NTN4: variants seen among roughly 807,000 people sequenced by gnomAD.
The protein encoded by NTN4 is netrin 4.
A neutral mutation model predicts 73.6 loss-of-function variants in NTN4; 32 were observed. That is an observed-to-expected ratio of 0.44 (90% CI 0.33 to 0.58). NTN4 has a LOEUF of 0.58. Among genes scored for constraint, NTN4 ranks in the 20% least tolerant of loss-of-function variants. The pLI is 0.04. For missense variants in NTN4, 654 were observed against 798.3 expected (o/e 0.82, Z 2.18); for synonymous variants, 258 against 287.5 (o/e 0.90, Z 1.04).
At chr12:95,672,826 A>C in intron 7 of NTN4, 1 of 1,360,394 alleles carries the variant, frequency 7.4e-7, no homozygotes, top group Non-Finnish European at 1.1e-6. Flanking sequence ...AGTTCCCCAG[A>C]TCAAGGAAGG....
At chr12:95,695,981 TCCTTCC>T (rs763977461) in intron 5 of NTN4, among the ~76,000 whole-genome samples, 117 of 149,736 alleles carry the variant, frequency 7.8e-4, no homozygotes, top group African/African-American at 1.4e-3. Flanking sequence ...TTCTTTCCTT[TCCTTCC>T]CCTTCCCCTT....
intron 5 of NTN4, among the ~76,000 whole-genome samples, chr12:95,692,334 C>T (rs115795118): frequency 0.037 from 5,676 of 152,272 alleles, 362 homozygotes; most frequent in African/African-American, 0.13. Context: ...CTATGCCTGG[C>T]TGGTACCTTC....
chr12:95,716,625 T>A (rs1317046937), intron 3 of NTN4, among the ~76,000 whole-genome samples: 1 of 152,160 alleles, frequency 6.6e-6, no homozygotes, highest in Non-Finnish European at 1.5e-5. Flanking sequence ...CCTTTTATGG[T>A]TTCTTCTCCA....
At chr12:95,729,652 T>TGC (rs2078723993) in intron 3 of NTN4, among the ~76,000 whole-genome samples, 1 of 151,594 alleles carries the variant, frequency 6.6e-6, no homozygotes, top group African/African-American at 2.4e-5. Flanking sequence ...TGTGTGTGTG[T>TGC]GTGTGTGTGT....
chr12:95,729,597 T>C (rs2078721316), intron 3 of NTN4, among the ~76,000 whole-genome samples: 1 of 151,392 alleles, frequency 6.6e-6, no homozygotes, highest in South Asian at 2.1e-4. Context: ...TTTTTCCATC[T>C]TCTGGAATTA....
intron 2 of NTN4, among the ~76,000 whole-genome samples, chr12:95,749,513 CCTTCT>C (rs2078888170): frequency 6.6e-6 from 1 of 152,310 alleles, no homozygotes; most frequent in African/African-American, 2.4e-5. Flanking sequence ...TCAATCTCTC[CCTTCT>C]CTTAATTTCA....
rs542204879 is a variant in NTN4 at position 95,715,323 on chromosome 12, G to A, written c.865-1985C>T. On this transcript the variant is annotated intron_variant, in intron 3 of 9. Coordinates refer to ENST00000343702, the MANE Select transcript of NTN4 (RefSeq NM_021229.4). The stretch of plus-strand genomic sequence containing the variant: ...ATTATAGAAGTTCTTTTAATTCTCA[G>A]GGATTAGTGAGTATACAGATTTTTT... Among the ~76,000 whole-genome samples, 3 of 152,030 alleles carry A rather than the reference G, an allele frequency of 2.0e-5. No individual in the cohort carries two copies. The South Asian group carries it at 6.2e-4, about 32-fold the overall frequency.
In NTN4 at chr12:95,713,165, T is replaced by A. The variant is rs4129599; in HGVS notation, c.991+47A>T. ...AGACAACAAGGAGTCCACAGATGCGTTGACTTTACAAAGAAAGCTTTTGAG... is the reference window on the plus strand; with the variant it reads ...AGACAACAAGGAGTCCACAGATGCGATGACTTTACAAAGAAAGCTTTTGAG... On this transcript the variant is annotated intron_variant, in intron 4 of 9. Transcript: ENST00000343702. 7.4e-4 allele frequency: 1,182 copies of A among 1,590,724 alleles called. 24 individuals carry two copies. The East Asian group carries it at 0.02, about 26-fold the overall frequency.
chr12:95,716,071 C>A, intron 3 of NTN4, among the ~76,000 whole-genome samples: 1 of 127,642 alleles, frequency 7.8e-6, no homozygotes, highest in South Asian at 2.7e-4. Flanking sequence ...TTATCTAAAT[C>A]CTACATGTCA....
chr12:95,744,273 C>A (rs1367830065), intron 2 of NTN4, among the ~76,000 whole-genome samples: 1 of 152,130 alleles, frequency 6.6e-6, no homozygotes, highest in Non-Finnish European at 1.5e-5. Context: ...TTATCCTTGG[C>A]AATATTCTTT....
At chr12:95,741,404 C>T (rs1423142988) in intron 2 of NTN4, among the ~76,000 whole-genome samples, 5 of 91,410 alleles carry the variant, frequency 5.5e-5, no homozygotes, top group African/African-American at 1.9e-4. Flanking sequence ...TAGGAAAAAC[C>T]TATAATGTAA....
Position 95,710,431 on chromosome 12 carries a change from G to C in NTN4, c.1180+10C>G. 6.2e-7 allele frequency: 1 copy of C among 1,606,510 alleles called. No homozygotes were observed. The highest frequency in any genetic ancestry group is 2.2e-5 in the East Asian group (1 of 44,672). Reference sequence around the variant, plus strand: ...ATCAGCCTATTTTCTGGAAACCACAGGTTACTTACGTTTGCAAGCATCTGG... The same window carrying C: ...ATCAGCCTATTTTCTGGAAACCACACGTTACTTACGTTTGCAAGCATCTGG... On this transcript the variant is annotated intron_variant, in intron 5 of 9. Transcript: ENST00000343702.
intron 2 of NTN4, among the ~76,000 whole-genome samples, chr12:95,756,505 G>A (rs1425669434): frequency 6.6e-6 from 1 of 152,124 alleles, no homozygotes; most frequent in African/African-American, 2.4e-5. Flanking sequence ...GTCCTCCTGG[G>A]GAGTACAGCT....
chr12:95,743,070 T>C (rs1438022064), intron 2 of NTN4, among the ~76,000 whole-genome samples: 2 of 152,222 alleles, frequency 1.3e-5, no homozygotes, highest in Admixed American at 6.5e-5. Flanking sequence ...AGATCTTTCA[T>C]ATTCTTAAGA....
At chr12:95,784,604 T>C (rs1159109491) in intron 2 of NTN4, among the ~76,000 whole-genome samples, 6 of 151,834 alleles carry the variant, frequency 4.0e-5, no homozygotes, top group Admixed American at 2.0e-4. Context: ...CCATGTCTAC[T>C]AAAAATACAA....
At chr12:95,761,837 C>G (rs963283326) in intron 2 of NTN4, among the ~76,000 whole-genome samples, 3 of 152,128 alleles carry the variant, frequency 2.0e-5, no homozygotes, top group Non-Finnish European at 4.4e-5. Context: ...TTATCCCCCT[C>G]TTTAAGAGTA....
At chr12:95,661,913 C>T (rs2078140590) in intron 9 of NTN4, among the ~76,000 whole-genome samples, 1 of 152,046 alleles carries the variant, frequency 6.6e-6, no homozygotes, top group Non-Finnish European at 1.5e-5. Context: ...CTGGCAAGGA[C>T]ACATCAGCTG....
chr12:95,781,686 G>A lies in NTN4; in HGVS notation c.585+5253C>T, dbSNP rs12303800. Among the ~76,000 whole-genome samples, 29,153 of 151,916 alleles carry A rather than the reference G, an allele frequency of 0.19. 3,066 individuals are homozygous for A. Among genetic ancestry groups the A allele is most frequent in the African/African-American group, 0.26 (10,713 of 41,398 alleles). ...CATTTCTATTTCTCCATTTGTTTAT[G>A]TTCCCCATTTCTTTTTTCTGCTTTA... On this transcript the variant is annotated intron_variant, in intron 2 of 9. Coordinates refer to ENST00000343702, the MANE Select transcript of NTN4 (RefSeq NM_021229.4). The surrounding 1 kb of genome is among the most constrained non-coding windows in gnomAD (Gnocchi z 4.1).
chr12:95,686,731 C>T (rs79469987), intron 5 of NTN4, among the ~76,000 whole-genome samples: 1 of 145,716 alleles, frequency 6.9e-6, no homozygotes, highest in East Asian at 2.1e-4. Context: ...GACCTCCAGC[C>T]TGGGTGACAG....
Sources: gnomAD v4.1 joint callset for allele counts (sites outside exome capture counted in the v4.1 genomes callset) on GRCh38, gnomAD v4.1.1 for gene constraint, Gnocchi (gnomAD v3.1) non-coding constraint, MANE v1.5 for transcripts, NCBI Gene and HGNC (gene_info 2026-07-23, HGNC 2026-07-21) for gene names.